The following EYS variants were observed in gnomAD, a reference collection of about 807,000 sequenced individuals.
The protein encoded by EYS is protein eyes shut homolog.
In EYS, 250 loss-of-function variants were observed where a neutral mutation model predicts 282.1. The observed-to-expected ratio is 0.89, with a 90% CI of 0.80 to 0.98. The LOEUF (loss-of-function observed/expected upper bound fraction) is 0.98, where lower values mean the gene tolerates loss of function less well. EYS is among the 50% of genes least tolerant of loss of function. The pLI is 0.00. For missense variants in EYS, 4,016 were observed against 3,709.0 expected (o/e 1.08, Z -2.15); for synonymous variants, 1,355 against 1,282.9 (o/e 1.06, Z -1.20).
intron 12 of EYS, among the ~76,000 whole-genome samples, chr6:65,254,791 T>C (rs1283578779): frequency 6.6e-6 from 1 of 151,896 alleles, no homozygotes; most frequent in Non-Finnish European, 1.5e-5. Flanking sequence ...ACACTGGTAA[T>C]TTAAAATGAT....
At chr6:64,862,004 T>C (rs747613185) in intron 19 of EYS, among the ~76,000 whole-genome samples, 4 of 152,240 alleles carry the variant, frequency 2.6e-5, no homozygotes, top group Non-Finnish European at 4.4e-5. Context: ...TGACAAATTA[T>C]CTGCTTTATT....
intron 40 of EYS, among the ~76,000 whole-genome samples, chr6:63,765,028 CA>C (rs1192380600): frequency 6.6e-6 from 1 of 151,978 alleles, no homozygotes; most frequent in East Asian, 1.9e-4. Context: ...CCCTTAACCA[CA>C]TATACTACTC....
intron 12 of EYS, among the ~76,000 whole-genome samples, chr6:65,064,096 A>G (rs1227594465): frequency 4.1e-5 from 6 of 146,904 alleles, no homozygotes; most frequent in African/African-American, 1.5e-4. Flanking sequence ...ACTTTGCTAC[A>G]TACTAATATA....
chr6:63,829,895 G>A (rs1771578911), intron 36 of EYS, among the ~76,000 whole-genome samples: 1 of 152,328 alleles, frequency 6.6e-6, no homozygotes, highest in Middle Eastern at 3.4e-3. Context: ...AGCAACGTCT[G>A]CCATTCTGCA....
chr6:64,407,791 G>A (rs1285775536), intron 28 of EYS, among the ~76,000 whole-genome samples: 2 of 152,104 alleles, frequency 1.3e-5, no homozygotes, highest in African/African-American at 4.8e-5. Flanking sequence ...GAGTGCAATG[G>A]TGTGATCTTG....
At chr6:64,987,458 G>A (rs1770899846) in intron 14 of EYS, among the ~76,000 whole-genome samples, 1 of 151,522 alleles carries the variant, frequency 6.6e-6, no homozygotes, top group Non-Finnish European at 1.5e-5. Flanking sequence ...TATGCATGCA[G>A]TTTATAACTG....
At chr6:65,153,317 T>C (rs1473869019) in intron 12 of EYS, among the ~76,000 whole-genome samples, 2 of 151,170 alleles carry the variant, frequency 1.3e-5, no homozygotes, top group African/African-American at 4.9e-5. Flanking sequence ...AAGGACTCAA[T>C]TGATCTGTAC....
At chr6:64,505,006 T>C (rs922920853) in intron 26 of EYS, among the ~76,000 whole-genome samples, 1 of 152,210 alleles carries the variant, frequency 6.6e-6, no homozygotes, top group Non-Finnish European at 1.5e-5. Flanking sequence ...TAGACTGTTA[T>C]TGTGCTTTGA....
intron 40 of EYS, among the ~76,000 whole-genome samples, chr6:63,766,308 C>T (rs548021069): frequency 6.6e-6 from 1 of 152,076 alleles, no homozygotes; most frequent in East Asian, 1.9e-4. Context: ...TTTCTGACCC[C>T]GGCACTCTAG....
chr6:64,397,934 T>TG (rs1373902137), intron 28 of EYS, among the ~76,000 whole-genome samples: 1 of 152,018 alleles, frequency 6.6e-6, no homozygotes, highest in Non-Finnish European at 1.5e-5. Context: ...TCAAAATATT[T>TG]TCTAATTTCC....
At chr6:64,382,007 C>T (rs1253052933) in intron 29 of EYS, among the ~76,000 whole-genome samples, 1 of 151,940 alleles carries the variant, frequency 6.6e-6, no homozygotes, top group East Asian at 1.9e-4. Context: ...GTCTTTCAGC[C>T]CTTATTCTAT....
intron 35 of EYS, among the ~76,000 whole-genome samples, chr6:63,937,398 T>TTTTTTG (rs1765099568): frequency 8.7e-6 from 1 of 114,982 alleles, no homozygotes; most frequent in East Asian, 2.7e-4. Flanking sequence ...TTTTTTTTTT[T>TTTTTTG]GAGACGGAGT....
At chr6:64,945,743 C>T (rs886818400) in intron 15 of EYS, 50 bp downstream of exon 15, 1 of 1,516,420 alleles carries the variant, frequency 6.6e-7, no homozygotes, top group African/African-American at 1.4e-5. Flanking sequence ...CCCAAGGACA[C>T]TGAGCACTCC....
intron 8 of EYS, among the ~76,000 whole-genome samples, chr6:65,353,856 A>G (rs557797268): frequency 2.6e-5 from 4 of 152,142 alleles, no homozygotes; most frequent in South Asian, 2.1e-4. Context: ...CTCACTCTCA[A>G]TATACAACAG....
chr6:63,724,299 A>G (rs888145608), intron 42 of EYS, among the ~76,000 whole-genome samples: 1 of 152,238 alleles, frequency 6.6e-6, no homozygotes, highest in Non-Finnish European at 1.5e-5. Context: ...TTTATTATAG[A>G]TAAGAGAAAC....
intron 22 of EYS, among the ~76,000 whole-genome samples, chr6:64,643,112 T>TCA (rs1768224702): frequency 7.0e-6 from 1 of 143,654 alleles, no homozygotes; most frequent in Non-Finnish European, 1.5e-5. Context: ...TGAAACTCCA[T>TCA]CCCCCCCCCC....
intron 12 of EYS, among the ~76,000 whole-genome samples, chr6:65,154,351 G>C (rs1164591532): frequency 6.6e-6 from 1 of 151,032 alleles, no homozygotes; most frequent in East Asian, 2.0e-4. Context: ...AGAAAGGAGT[G>C]AGAAATGAAA....
At chr6:65,706,503 T>G (rs1769884744) in intron 1 of EYS, among the ~76,000 whole-genome samples, 1 of 144,714 alleles carries the variant, frequency 6.9e-6, no homozygotes, top group East Asian at 1.9e-4. Context: ...CCTTTACGTT[T>G]TCTTTTTAAA....
rs1022614883 is a variant in EYS at position 64,595,055 on chromosome 6, G to T, written c.3685-1746C>A. Among the ~76,000 whole-genome samples the T allele has an allele frequency of 3.9e-5, 6 of 151,910 alleles. No homozygotes were observed. The South Asian group carries it at 1.2e-3, about 32-fold the overall frequency. The stretch of plus-strand genomic sequence containing the variant: ...TGCAAAAGTTCTCCCCAAAACACTA[G>T]CAAACTGAATACAACAACATATCAA... On this transcript the variant is annotated intron_variant, in intron 24 of 42. Transcript: ENST00000503581.
Sources: gnomAD v4.1 joint callset for allele counts (sites outside exome capture counted in the v4.1 genomes callset) on GRCh38, gnomAD v4.1.1 for gene constraint, MANE v1.5 for transcripts, NCBI Gene and HGNC (gene_info 2026-07-23, HGNC 2026-07-21) for gene names.